Variants in TMED8 observed in about 807,000 individuals in gnomAD.
TMED8 encodes transmembrane p24 trafficking protein family member 8.
TMED8 carries 15 observed loss-of-function variants against 32.7 expected under a neutral mutation model. The observed-to-expected ratio is 0.46, with a 90% CI of 0.31 to 0.71. The LOEUF is 0.71. TMED8 is among the 30% of genes least tolerant of loss of function. TMED8 has a pLI of 0.06. For missense variants in TMED8, 390 were observed against 423.9 expected (o/e 0.92, Z 0.70); for synonymous variants, 147 against 161.4 (o/e 0.91, Z 0.68).
At chr14:77,367,308 A>T (rs1893577130) in intron 1 of TMED8, among the ~76,000 whole-genome samples, 3 of 151,240 alleles carry the variant, frequency 2.0e-5, no homozygotes, top group Non-Finnish European at 4.4e-5. Flanking sequence ...ACGCAAATGT[A>T]GAAGAGTACA....
chr14:77,363,439 T>C (rs1893482735), intron 1 of TMED8, among the ~76,000 whole-genome samples: 1 of 152,028 alleles, frequency 6.6e-6, no homozygotes, highest in Non-Finnish European at 1.5e-5. Context: ...TACTAAAACC[T>C]AGGGGATGCA....
intron 5 of TMED8, among the ~76,000 whole-genome samples, chr14:77,342,503 C>T (rs746376380): frequency 1.8e-4 from 28 of 152,250 alleles, no homozygotes; most frequent in African/African-American, 3.4e-4. Context: ...TTTCCCTGCC[C>T]GCTTGCTGTT....
chr14:77,360,347 TCACCACCACCAC>T (rs752875465), intron 1 of TMED8, among the ~76,000 whole-genome samples: 1 of 151,938 alleles, frequency 6.6e-6, no homozygotes, highest in Non-Finnish European at 1.5e-5. Context: ...TCCTCTACCA[TCACCACCACCAC>T]CACCACCTCT....
At chr14:77,348,897 G>A (rs1893114542) in intron 2 of TMED8, among the ~76,000 whole-genome samples, 1 of 152,050 alleles carries the variant, frequency 6.6e-6, no homozygotes, top group East Asian at 1.9e-4. Context: ...GGTTCACTTG[G>A]GTAATTCAGT....
chr14:77,352,467 G>A lies in TMED8; in HGVS notation c.119-716C>T, dbSNP rs979425768. On this transcript the variant is annotated intron_variant, in intron 1 of 5. Coordinates refer to ENST00000216468, the MANE Select transcript of TMED8 (RefSeq NM_213601.3). ...TTAAAAAAAAAATAGGGCCAGGCAC[G>A]GTGGCTCACACTTGTAATCCCAGCA... 8.1e-5 allele frequency among the ~76,000 whole-genome samples: 12 copies of A among 149,064 alleles called. 1 individual carries two copies. The highest frequency in any genetic ancestry group is 2.5e-4 in the African/African-American group (10 of 40,384).
intron 1 of TMED8, among the ~76,000 whole-genome samples, chr14:77,362,236 T>C (rs78431842): frequency 0.025 from 3,862 of 152,166 alleles, 178 homozygotes; most frequent in African/African-American, 0.089. Context: ...GCACTTCCAT[T>C]ACTATGTTGA....
chr14:77,343,355 C>T lies in TMED8; in HGVS notation c.583G>A (p.Val195Ile). The change falls in exon 5 of 6, where the codon GTA becomes ATA. Residue 195 changes from valine to isoleucine, a missense_variant. Coordinates refer to ENST00000216468, the MANE Select transcript of TMED8 (RefSeq NM_213601.3). ...CGCTTCCCCTCTGGATGAGTAGGTACCCGGATGGTCACCACCTCACCACGC... is the reference window on the plus strand; with the variant it reads ...CGCTTCCCCTCTGGATGAGTAGGTATCCGGATGGTCACCACCTCACCACGC... ...VKRGEVVTIR[V>I]PTHPEGKRVC... 6.2e-7 allele frequency: 1 copy of T among 1,614,122 alleles called. No individual in the cohort carries two copies. Among genetic ancestry groups the T allele is most frequent in the Non-Finnish European group, 8.5e-7 (1 of 1,180,018 alleles).
At chr14:77,362,711 T>C (rs1191040153) in intron 1 of TMED8, among the ~76,000 whole-genome samples, 1 of 151,944 alleles carries the variant, frequency 6.6e-6, no homozygotes, top group Admixed American at 6.6e-5. Flanking sequence ...AAAACTAAGA[T>C]CCAACCTATA....
At chr14:77,343,619 T>C (rs1892960746) in intron 4 of TMED8, 78 bp downstream of exon 4, 1 of 1,592,978 alleles carries the variant, frequency 6.3e-7, no homozygotes, top group East Asian at 2.2e-5. Flanking sequence ...TTTTCTTTCC[T>C]TCCATTTGTC....
At chr14:77,355,880 C>T (rs1216277107) in intron 1 of TMED8, among the ~76,000 whole-genome samples, 3 of 152,142 alleles carry the variant, frequency 2.0e-5, no homozygotes, top group East Asian at 1.9e-4. Flanking sequence ...GTATCCAAGA[C>T]GGAAACAGAC....
At chr14:77,346,570 A>AC in intron 2 of TMED8, 92 bp from the exon 3 acceptor site, 1 of 1,522,490 alleles carries the variant, frequency 6.6e-7, no homozygotes, top group Non-Finnish European at 9.0e-7. Context: ...CATTCGAGAT[A>AC]CCCCCTGCCC....
At chr14:77,351,386 G>A (rs1297200342) in intron 2 of TMED8, among the ~76,000 whole-genome samples, 18 of 7,908 alleles carry the variant, frequency 2.3e-3, no homozygotes, top group African/African-American at 4.4e-3. Flanking sequence ...CTACAGGCGT[G>A]TAGTCTGGCC....
chr14:77,373,407 G>GA (rs1443321961), intron 1 of TMED8, among the ~76,000 whole-genome samples: 2 of 151,928 alleles, frequency 1.3e-5, no homozygotes, highest in Non-Finnish European at 1.5e-5. Context: ...CTCCTCTGGG[G>GA]AACTGAAGAA....
intron 1 of TMED8, among the ~76,000 whole-genome samples, chr14:77,362,164 AT>A (rs1357240509): frequency 6.6e-6 from 1 of 151,534 alleles, no homozygotes; most frequent in Non-Finnish European, 1.5e-5. Context: ...GCAAATGGAC[AT>A]AACTTCTACC....
In TMED8 at chr14:77,343,435, A is replaced by C; in HGVS notation, c.503T>G (p.Val168Gly). The C allele has an allele frequency of 1.2e-6, 2 of 1,613,674 alleles. No homozygotes were observed. Among genetic ancestry groups the C allele is most frequent in the Non-Finnish European group, 1.7e-6 (2 of 1,179,802 alleles). Reference protein sequence around the residue: ...APPCIWTFAKVKEFKSKLGKE... With the variant: ...APPCIWTFAKGKEFKSKLGKE... The stretch of plus-strand genomic sequence containing the variant: ...GCCCAGCTTGCTTTTGAATTCCTTC[A>C]CCTTGGCAAAGGTCCAGATGCATGG... The change falls in exon 5 of 6, where the codon GTG (valine) becomes GGG (glycine). Residue 168 changes from valine (V) to glycine (G), a missense_variant. By Grantham distance (109) the Val-to-Gly change is moderately radical. Transcript: ENST00000216468.
At chr14:77,369,611 G>A (rs1893631877) in intron 1 of TMED8, among the ~76,000 whole-genome samples, 1 of 152,202 alleles carries the variant, frequency 6.6e-6, no homozygotes, top group African/African-American at 2.4e-5. Context: ...AATCCAGCAT[G>A]TACCCTCAGG....
Position 77,376,577 on chromosome 14 carries a change from G to A in TMED8, c.118+359C>T. On this transcript the variant is annotated intron_variant, in intron 1 of 5. Coordinates refer to ENST00000216468, the MANE Select transcript of TMED8 (RefSeq NM_213601.3). The surrounding 1 kb of genome is among the most constrained non-coding windows in gnomAD (Gnocchi z 4.0). Reference sequence around the variant, plus strand: ...GGGCGGCGAGGCCAGTAGGGTTCGGGTCGGCAGTCTAGATGTGATTAGCAG... The same window carrying A: ...GGGCGGCGAGGCCAGTAGGGTTCGGATCGGCAGTCTAGATGTGATTAGCAG... 6.1e-6 allele frequency: 1 copy of A among 163,168 alleles called. No homozygotes were observed. Among genetic ancestry groups the A allele is most frequent in the Non-Finnish European group, 1.3e-5 (1 of 75,550 alleles). 10.1% of individuals were successfully genotyped at this position (163,168 alleles called of 1,614,324 possible).
chr14:77,343,393 C>T lies in TMED8; in HGVS notation c.545G>A (p.Arg182His), dbSNP rs113508771. 3.7e-5 allele frequency: 59 copies of T among 1,614,104 alleles called. No individual in the cohort carries two copies. The highest frequency in any genetic ancestry group is 2.7e-4 in the African/African-American group (20 of 75,038). ...CACCTCACCACGCTTCACCACCAGA[C>T]GGCTGTTCTTCTCTTTGCCCAGCTT... Reference protein sequence around the residue: ...KSKLGKEKNSRLVVKRGEVVT... With the variant: ...KSKLGKEKNSHLVVKRGEVVT... The change falls in exon 5 of 6, where the codon CGT (arginine) becomes CAT (histidine). Residue 182 changes from arginine to histidine, a missense_variant. Arg to His is a conservative substitution (Grantham distance 29). Coordinates refer to ENST00000216468, the MANE Select transcript of TMED8 (RefSeq NM_213601.3).
chr14:77,341,511 T>A lies in TMED8; in HGVS notation c.*260A>T. ...TCCTTTTAGGCTTGTGCCCCATAGGTGCCTTCAAGAGGGAATTTGCTGGAG... is the reference window on the plus strand; with the variant it reads ...TCCTTTTAGGCTTGTGCCCCATAGGAGCCTTCAAGAGGGAATTTGCTGGAG... On this transcript the variant is annotated 3_prime_UTR_variant, in exon 6 of 6. Transcript: ENST00000216468. 1.9e-6 allele frequency: 1 copy of A among 525,224 alleles called. No homozygotes were observed. Among genetic ancestry groups the A allele is most frequent in the Non-Finnish European group, 3.4e-6 (1 of 290,804 alleles). 32.5% of individuals were successfully genotyped at this position (525,224 alleles called of 1,614,324 possible).
Sources: gnomAD v4.1 joint callset for allele counts (sites outside exome capture counted in the v4.1 genomes callset) on GRCh38, gnomAD v4.1.1 for gene constraint, Gnocchi (gnomAD v3.1) non-coding constraint, MANE v1.5 for transcripts, NCBI Gene and HGNC (gene_info 2026-07-23, HGNC 2026-07-21) for gene names.